The following RAP1A variants were observed in gnomAD, a reference collection of about 807,000 sequenced individuals.
The protein encoded by RAP1A is ras-related protein Rap-1A.
Under a neutral mutation model 26.4 loss-of-function variants are expected in RAP1A, and 6 were observed. That is an observed-to-expected ratio of 0.23 (90% CI 0.12 to 0.45). The LOEUF is 0.45. Ranked by LOEUF, RAP1A falls within the 20% of genes least tolerant of loss-of-function variation. The pLI is 0.99. For synonymous variants in RAP1A, 73 were observed against 79.4 expected (o/e 0.92, Z 0.43); for missense variants, 121 against 217.2 (o/e 0.56, Z 2.78).
In RAP1A at chr1:111,593,679, T is replaced by TA. The variant is rs1553211747; in HGVS notation, c.-28+51171dup. 8.8e-3 allele frequency among the ~76,000 whole-genome samples: 1,274 copies of TA among 144,128 alleles called. 19 individuals carry two copies. The highest frequency in any genetic ancestry group is 0.014 in the Middle Eastern group (4 of 284). 94.6% of individuals were successfully genotyped at this position (144,128 alleles called of 152,430 possible). A position where few individuals can be genotyped will look rare whatever the true frequency, so the allele number is the denominator to read the frequency against. On this transcript the variant is annotated intron_variant, in intron 1 of 7. Coordinates refer to the RAP1A transcript ENST00000356415. Reference sequence around the variant, plus strand: ...TTTTTTTTTTTTTTTTTTTTTTTTTTACCTTTCTAAGTAAAAAAGGAGTGG... The same window carrying TA: ...TTTTTTTTTTTTTTTTTTTTTTTTTTAACCTTTCTAAGTAAAAAAGGAGTGG...
intron 1 of RAP1A, among the ~76,000 whole-genome samples, chr1:111,626,478 A>G (rs987590224): frequency 6.6e-6 from 1 of 152,180 alleles, no homozygotes; most frequent in African/African-American, 2.4e-5. Flanking sequence ...GTTTAACGTC[A>G]GAAGTTGTTT....
At chr1:111,655,065 G>A (rs1022447198) in intron 1 of RAP1A, among the ~76,000 whole-genome samples, 1 of 151,802 alleles carries the variant, frequency 6.6e-6, no homozygotes, top group Admixed American at 6.6e-5. Context: ...CATAGACCAA[G>A]TAGTTATAGC....
At chr1:111,646,538 C>T (rs1355676901) in intron 1 of RAP1A, among the ~76,000 whole-genome samples, 1 of 151,284 alleles carries the variant, frequency 6.6e-6, no homozygotes, top group Non-Finnish European at 1.5e-5. Context: ...AGAACATCTT[C>T]TCTTTTTCTT....
intron 1 of RAP1A, among the ~76,000 whole-genome samples, chr1:111,678,209 T>C (rs59630697): frequency 4.7e-4 from 71 of 152,348 alleles, no homozygotes; most frequent in African/African-American, 1.6e-3. Context: ...CAGATCAACA[T>C]GAAGAGAATG....
At chr1:111,708,844 G>A (rs1227814818) in intron 6 of RAP1A, among the ~76,000 whole-genome samples, 2 of 146,756 alleles carry the variant, frequency 1.4e-5, no homozygotes, top group South Asian at 2.1e-4. Flanking sequence ...GAATAGAACC[G>A]AAGTTGTTGG....
At chr1:111,611,817 G>A (rs1233217777) in intron 1 of RAP1A, among the ~76,000 whole-genome samples, 1 of 152,116 alleles carries the variant, frequency 6.6e-6, no homozygotes, top group Non-Finnish European at 1.5e-5. Context: ...GGATTTTTGG[G>A]TAAACAAATC....
At chr1:111,617,832 T>C (rs915948805), upstream of RAP1A, among the ~76,000 whole-genome samples, 4 of 151,330 alleles carry the variant, frequency 2.6e-5, no homozygotes, top group Non-Finnish European at 5.9e-5. Flanking sequence ...TCACCTGAGG[T>C]TGGGAATTCG....
At chr1:111,609,971 A>G (rs1455366387) in intron 1 of RAP1A, among the ~76,000 whole-genome samples, 1 of 152,108 alleles carries the variant, frequency 6.6e-6, no homozygotes, top group African/African-American at 2.4e-5. Flanking sequence ...ATTGCCTTCT[A>G]GTTTATTCTG....
chr1:111,607,506 C>T (rs1255605793), intron 1 of RAP1A, among the ~76,000 whole-genome samples: 8 of 152,194 alleles, frequency 5.3e-5, no homozygotes, highest in Non-Finnish European at 1.0e-4. Context: ...CATCATGGCC[C>T]GTTCTCAATG....
At chr1:111,567,048 A>G (rs922697024) in intron 1 of RAP1A, among the ~76,000 whole-genome samples, 3 of 152,194 alleles carry the variant, frequency 2.0e-5, no homozygotes, top group Non-Finnish European at 4.4e-5. Context: ...TCCATTGAAC[A>G]TGTATCAGCT....
At chr1:111,580,155 C>T (rs1466379501) in intron 1 of RAP1A, among the ~76,000 whole-genome samples, 1 of 152,152 alleles carries the variant, frequency 6.6e-6, no homozygotes, top group Non-Finnish European at 1.5e-5. Context: ...TATGCGTACT[C>T]AAAGTATGGT....
intron 1 of RAP1A, among the ~76,000 whole-genome samples, chr1:111,626,621 T>C (rs1372491164): frequency 1.3e-5 from 2 of 152,218 alleles, no homozygotes; most frequent in Non-Finnish European, 2.9e-5. Flanking sequence ...TGTTGTTAGC[T>C]TGACAGTTTT....
intron 1 of RAP1A, among the ~76,000 whole-genome samples, chr1:111,606,336 C>CTTT: frequency 6.7e-6 from 1 of 148,512 alleles, no homozygotes; most frequent in Non-Finnish European, 1.5e-5. Flanking sequence ...GATGAGGAAC[C>CTTT]TTTAAAAAAA....
rs542526882 is a variant in RAP1A, at chr1:111,685,725, A to G, written c.-27-5609A>G. Among the ~76,000 whole-genome samples, 18 of 152,342 alleles carry G rather than the reference A, an allele frequency of 1.2e-4. No homozygotes were observed. The South Asian group carries it at 3.1e-3, about 26-fold the overall frequency. On this transcript the variant is annotated intron_variant, in intron 1 of 7. Coordinates refer to ENST00000369709, the MANE Select transcript of RAP1A (RefSeq NM_002884.4). ...GTGGAAGACAGTGTGGTGATTCCTCAAGGATCTAGAACCAGAAATACCATT... is the reference window on the plus strand; with the variant it reads ...GTGGAAGACAGTGTGGTGATTCCTCGAGGATCTAGAACCAGAAATACCATT...
At chr1:111,698,267 A>T (rs1661901299) in intron 4 of RAP1A, among the ~76,000 whole-genome samples, 1 of 151,912 alleles carries the variant, frequency 6.6e-6, no homozygotes, top group Non-Finnish European at 1.5e-5. Context: ...TTTAAAATGG[A>T]TGGGTTCGTT....
intron 1 of RAP1A, among the ~76,000 whole-genome samples, chr1:111,681,003 T>C (rs1661276229): frequency 6.6e-6 from 1 of 152,104 alleles, no homozygotes; most frequent in Admixed American, 6.6e-5. Context: ...TCCCAGCCCT[T>C]TGGGAGGCTG....
At chr1:111,639,167 T>C (rs1659816225) in intron 1 of RAP1A, among the ~76,000 whole-genome samples, 2 of 152,226 alleles carry the variant, frequency 1.3e-5, no homozygotes, top group African/African-American at 4.8e-5. Context: ...GTAATGTGTT[T>C]AGTTTAGGTA....
intron 1 of RAP1A, among the ~76,000 whole-genome samples, chr1:111,606,538 C>T (rs774488535): frequency 2.0e-5 from 3 of 152,192 alleles, no homozygotes; most frequent in Non-Finnish European, 2.9e-5. Flanking sequence ...CTGCACGGCC[C>T]AGTAGTACCA....
chr1:111,677,656 G>A (rs1661169509), intron 1 of RAP1A, among the ~76,000 whole-genome samples: 1 of 152,198 alleles, frequency 6.6e-6, no homozygotes. Context: ...GTGCCTCTCT[G>A]AAGGGCTGGT....
Sources: allele counts gnomAD v4.1 joint callset (sites outside exome capture counted in the v4.1 genomes callset), GRCh38; gene constraint gnomAD v4.1.1; transcripts MANE v1.5; gene names NCBI Gene and HGNC (gene_info 2026-07-23, HGNC 2026-07-21).